The following GRIP1 variants were observed in gnomAD, a reference collection of about 807,000 sequenced individuals.
GRIP1 encodes glutamate receptor-interacting protein 1.
GRIP1 carries 45 observed loss-of-function variants against 129.9 expected under a neutral mutation model. That is an observed-to-expected ratio of 0.35 (90% CI 0.27 to 0.44). GRIP1 has a LOEUF of 0.44. GRIP1 is among the 20% of genes least tolerant of loss of function. The pLI is 1.00. For synonymous variants in GRIP1, 530 were observed against 520.8 expected (o/e 1.02, Z -0.24); for missense variants, 1,196 against 1,396.8 (o/e 0.86, Z 2.29).
chr12:66,765,674 A>C (rs776444649), intron 1 of GRIP1, among the ~76,000 whole-genome samples: 28 of 152,138 alleles, frequency 1.8e-4, no homozygotes, highest in Non-Finnish European at 4.1e-4. Context: ...TTTTTCTCAC[A>C]TTGCCTTAGG....
chr12:66,850,859 C>T (rs956380209), intron 1 of GRIP1, among the ~76,000 whole-genome samples: 5 of 151,406 alleles, frequency 3.3e-5, no homozygotes, highest in East Asian at 1.9e-4. Flanking sequence ...TGACCTCTCT[C>T]CTGGTAATGT....
intron 23 of GRIP1, among the ~76,000 whole-genome samples, chr12:66,361,961 C>A (rs1159256530): frequency 6.6e-6 from 1 of 151,970 alleles, no homozygotes; most frequent in East Asian, 1.9e-4. Flanking sequence ...GAAAGGATGA[C>A]AAGTTGCAAC....
At chr12:67,016,222 G>A (rs1297260085) in intron 1 of GRIP1, among the ~76,000 whole-genome samples, 1 of 152,066 alleles carries the variant, frequency 6.6e-6, no homozygotes, top group African/African-American at 2.4e-5. Context: ...AAAAAAGATA[G>A]AAATTCCAAA....
chr12:66,955,097 G>A (rs1156899198), intron 1 of GRIP1, among the ~76,000 whole-genome samples: 4 of 152,092 alleles, frequency 2.6e-5, no homozygotes, highest in Non-Finnish European at 5.9e-5. Context: ...CATGTAAATT[G>A]CTAAATTGGT....
At chr12:66,744,324 C>T (rs549779024) in intron 1 of GRIP1, among the ~76,000 whole-genome samples, 6 of 152,170 alleles carry the variant, frequency 3.9e-5, no homozygotes, top group Non-Finnish European at 8.8e-5. Context: ...CCCTTTCACG[C>T]TTTCTCTAGT....
chr12:66,881,808 A>G (rs995741636), intron 1 of GRIP1, among the ~76,000 whole-genome samples: 1 of 152,194 alleles, frequency 6.6e-6, no homozygotes, highest in Non-Finnish European at 1.5e-5. Context: ...ATAAAAAGAA[A>G]AAGAACTCAG....
intron 7 of GRIP1, among the ~76,000 whole-genome samples, chr12:66,492,634 C>T (rs11176229): frequency 0.14 from 21,165 of 152,050 alleles, 1,595 homozygotes; most frequent in Non-Finnish European, 0.18. Flanking sequence ...TTTCCAATTT[C>T]CAATTAGAAG....
At position 66,968,911 on chromosome 12, in the gene GRIP1, C is replaced by A. The variant is rs566402055; in HGVS notation, c.58+100139G>T. Among the ~76,000 whole-genome samples the A allele has an allele frequency of 3.3e-5, 5 of 152,142 alleles. No homozygotes were observed. In the South Asian group the frequency reaches 1.0e-3, roughly 32 times the overall value. ...TTTTATAAAGAATAGGTATGCTGTG[C>A]TAATAATAAATCCCCTCGGTTTTGC... On this transcript the variant is annotated intron_variant, in intron 1 of 1. Transcript: ENST00000643019.
intron 14 of GRIP1, among the ~76,000 whole-genome samples, chr12:66,426,554 T>C (rs1485439008): frequency 1.3e-5 from 2 of 152,206 alleles, no homozygotes; most frequent in Non-Finnish European, 1.5e-5. Context: ...TGTTTTCTTC[T>C]TCCTGAATGT....
At chr12:66,601,978 T>A (rs1040359351) in intron 1 of GRIP1, among the ~76,000 whole-genome samples, 2 of 152,156 alleles carry the variant, frequency 1.3e-5, no homozygotes, top group African/African-American at 4.8e-5. Flanking sequence ...TGGTACTGGA[T>A]TACCCGACGG....
chr12:66,658,174 A>C (rs932840938), intron 1 of GRIP1, among the ~76,000 whole-genome samples: 2 of 152,200 alleles, frequency 1.3e-5, no homozygotes, highest in African/African-American at 4.8e-5. Flanking sequence ...AAAACCTCTG[A>C]AAAATAAAGA....
chr12:66,750,038 C>T (rs1264456177), intron 1 of GRIP1, among the ~76,000 whole-genome samples: 1 of 152,198 alleles, frequency 6.6e-6, no homozygotes, highest in Non-Finnish European at 1.5e-5. Context: ...CCCCAACAAA[C>T]TGGAGACAAG....
chr12:66,909,943 C>A (rs1008115276), intron 1 of GRIP1, among the ~76,000 whole-genome samples: 2 of 152,144 alleles, frequency 1.3e-5, no homozygotes, highest in Non-Finnish European at 1.5e-5. Flanking sequence ...CTATCTCATT[C>A]CCACAACTTA....
At position 66,872,103 on chromosome 12, in the gene GRIP1, GA is replaced by G. The variant is rs201621626; in HGVS notation, c.58+196946del. 4.7e-3 allele frequency among the ~76,000 whole-genome samples: 718 copies of G among 152,124 alleles called. 4 individuals are homozygous for G. Among genetic ancestry groups the G allele is most frequent in the African/African-American group, 0.016 (645 of 41,518 alleles). On this transcript the variant is annotated intron_variant, in intron 1 of 1. Transcript: ENST00000643019. ...TTTGGCTTCCTAACAGCAGAATCTA[GA>G]AAACTCAAGTTCCAAGACTCCCTTC...
At chr12:66,886,072 G>A (rs2040561261) in intron 1 of GRIP1, among the ~76,000 whole-genome samples, 1 of 152,122 alleles carries the variant, frequency 6.6e-6, no homozygotes. Context: ...AGACCAGCCT[G>A]GCCAACACGG....
chr12:66,734,190 G>A (rs1053720445), intron 1 of GRIP1, among the ~76,000 whole-genome samples: 4 of 152,156 alleles, frequency 2.6e-5, no homozygotes, highest in Admixed American at 6.6e-5. Context: ...CATTAAGGTT[G>A]TGTCAGCAAT....
At chr12:66,949,231 T>C (rs565725593) in intron 1 of GRIP1, among the ~76,000 whole-genome samples, 1 of 152,288 alleles carries the variant, frequency 6.6e-6, no homozygotes, top group East Asian at 1.9e-4. Context: ...TTTAGATTAT[T>C]CACTATTAAA....
intron 13 of GRIP1, 109 bp from the exon 14 acceptor site, chr12:66,432,737 T>C (rs751054517): frequency 9.7e-4 from 573 of 589,726 alleles, no homozygotes; most frequent in Non-Finnish European, 1.5e-3. Flanking sequence ...TAGCTAAAAC[T>C]GTAGGAACTG....
At chr12:66,377,494 ATTTTTTTT>A (rs372760716) in intron 20 of GRIP1, among the ~76,000 whole-genome samples, 12 of 134,336 alleles carry the variant, frequency 8.9e-5, no homozygotes, top group African/African-American at 3.3e-4. Context: ...CGCCTGGCTA[ATTTTTTTT>A]TTTTTTTTTT....
Sources: gnomAD v4.1 joint callset for allele counts (sites outside exome capture counted in the v4.1 genomes callset) on GRCh38, gnomAD v4.1.1 for gene constraint, MANE v1.5 for transcripts, NCBI Gene and HGNC (gene_info 2026-07-23, HGNC 2026-07-21) for gene names.